Variants in PAK3 observed in about 807,000 individuals in gnomAD.
PAK3 encodes the protein serine/threonine-protein kinase PAK 3.
A neutral mutation model predicts 41.0 loss-of-function variants in PAK3; 4 were observed. The ratio of observed to expected loss-of-function variants is 0.10; its 90% CI spans 0.05 to 0.22. The LOEUF (loss-of-function observed/expected upper bound fraction) is 0.22. PAK3 is among the 10% of genes least tolerant of loss of function. The pLI, the probability that PAK3 is intolerant of heterozygous loss-of-function variation, is 1.00. For missense variants in PAK3, 205 were observed against 409.9 expected, an observed-to-expected ratio of 0.50 and a Z score of 4.32; for synonymous variants, 146 against 139.6, an observed-to-expected ratio of 1.05 and a Z score of -0.32.
intron 5 of PAK3, among the ~76,000 whole-genome samples, chrX:111,124,736 C>T (rs1449799057): frequency 9.0e-6 from 1 of 111,337 alleles, no homozygotes; most frequent in Admixed American, 9.5e-5. Context: ...GAAAATTGTG[C>T]CCAAACCCTC....
chrX:111,118,453 G>GAT lies in PAK3; in HGVS notation c.-27-4611_-27-4610dup, dbSNP rs1023540827. On this transcript the variant is annotated intron_variant, in intron 4 of 17. Coordinates refer to ENST00000372007, the MANE Select transcript of PAK3 (RefSeq NM_002578.5). ...TGCCCACCACCAAAAGTACAATTCA[G>GAT]ATATATATATATATGTATATATATC... is the stretch of plus-strand genomic sequence containing the variant. 3.8e-3 allele frequency among the ~76,000 whole-genome samples: 418 copies of GAT among 109,171 alleles called. 2 individuals carry two copies. Among genetic ancestry groups the GAT allele is most frequent in the African/African-American group, 0.011 (340 of 30,029 alleles). The allele number at this position is 109,171 out of a possible 115,157, so 94.8% of individuals were successfully genotyped here.
Position 111,221,335 on chromosome X carries a change from T to C in PAK3, c.*888T>C, listed in dbSNP as rs1038120606. The C allele has an allele frequency of 8.9e-6, 1 of 112,128 alleles. No individual in the cohort carries two copies. Among genetic ancestry groups the C allele is most frequent in the African/African-American group, 3.2e-5 (1 of 30,812 alleles). 9.2% of individuals were successfully genotyped at this position (112,128 alleles called of 1,213,427 possible). A position where few individuals can be genotyped will look rare whatever the true frequency, so the allele number is the denominator to read the frequency against. On this transcript the variant is annotated 3_prime_UTR_variant, in exon 18 of 18. Coordinates refer to ENST00000372007, the MANE Select transcript of PAK3 (RefSeq NM_002578.5). ...CACTGAAACTGAAACTGTGACATCC[T>C]GCTAGGTGAGTTCAGGTTCTGAACC...
chrX:110,962,491 C>A (rs1489474187), intron 1 of PAK3, among the ~76,000 whole-genome samples: 2 of 112,725 alleles, frequency 1.8e-5, no homozygotes, highest in African/African-American at 6.5e-5. Flanking sequence ...AGCTGTCTTG[C>A]AAAGTTGAAT....
At chrX:110,966,436 G>A (rs2091083289) in intron 1 of PAK3, among the ~76,000 whole-genome samples, 1 of 110,728 alleles carries the variant, frequency 9.0e-6, no homozygotes, top group Non-Finnish European at 1.9e-5. Flanking sequence ...ACTCAAAAAA[G>A]GAGGGAGGGA....
intron 1 of PAK3, among the ~76,000 whole-genome samples, chrX:111,072,688 A>AT (rs1262692995): frequency 8.9e-6 from 1 of 112,354 alleles, no homozygotes; most frequent in Non-Finnish European, 1.9e-5. Context: ...CTTTATGCAG[A>AT]GGAGGGCTGT....
At chrX:111,024,265 G>C (rs1179645456) in intron 1 of PAK3, among the ~76,000 whole-genome samples, 2 of 111,429 alleles carry the variant, frequency 1.8e-5, no homozygotes, top group African/African-American at 6.5e-5. Context: ...CTCTGTGTTG[G>C]TACAGGACCA....
intron 1 of PAK3, among the ~76,000 whole-genome samples, chrX:110,996,252 A>T (rs929505737): frequency 2.7e-5 from 3 of 111,765 alleles, no homozygotes; most frequent in African/African-American, 9.8e-5. Flanking sequence ...CACAAACTAT[A>T]ATTATTTTGC....
chrX:111,005,123 C>T (rs2091902782), intron 1 of PAK3, among the ~76,000 whole-genome samples: 1 of 112,008 alleles, frequency 8.9e-6, no homozygotes, highest in Non-Finnish European at 1.9e-5. Flanking sequence ...CTTCCCTTCT[C>T]TTCTAGAAGA....
intron 1 of PAK3, among the ~76,000 whole-genome samples, chrX:110,955,642 T>C (rs998415089): frequency 3.6e-5 from 4 of 111,577 alleles, no homozygotes; most frequent in African/African-American, 1.3e-4. Flanking sequence ...TGTCTCTTGA[T>C]AAAACAGGAA....
chrX:110,947,373 T>G (rs187819353), intron 1 of PAK3, among the ~76,000 whole-genome samples: 188 of 111,869 alleles, frequency 1.7e-3, no homozygotes, highest in African/African-American at 5.6e-3. Context: ...AGGCAGTATC[T>G]CTAAGATACA....
chrX:111,210,928 A>G (rs187768394), intron 16 of PAK3, among the ~76,000 whole-genome samples: 2 of 112,010 alleles, frequency 1.8e-5, no homozygotes, highest in Admixed American at 9.5e-5. Flanking sequence ...AAAACCCAGG[A>G]TAGTCCCCAG....
intron 5 of PAK3, among the ~76,000 whole-genome samples, chrX:111,132,539 C>T (rs987612892): frequency 1.8e-5 from 2 of 110,762 alleles, no homozygotes; most frequent in African/African-American, 3.3e-5. Context: ...AGGAGGGCCT[C>T]GACCCCAGCA....
chrX:111,040,191 A>G (rs1168607210), intron 1 of PAK3, among the ~76,000 whole-genome samples: 1 of 110,271 alleles, frequency 9.1e-6, no homozygotes, highest in Non-Finnish European at 1.9e-5. Flanking sequence ...GGCTTAGCCA[A>G]GTTCCACCGA....
chrX:111,008,945 C>T (rs2091971733), intron 1 of PAK3, among the ~76,000 whole-genome samples: 2 of 111,057 alleles, frequency 1.8e-5, no homozygotes, highest in South Asian at 7.8e-4. Context: ...CCATGAAAGG[C>T]TCTTTGAACC....
At chrX:111,104,246 C>T (rs1468617384) in intron 4 of PAK3, among the ~76,000 whole-genome samples, 1 of 111,302 alleles carries the variant, frequency 9.0e-6, no homozygotes, top group Non-Finnish European at 1.9e-5. Context: ...CTTGCTGTCC[C>T]TCTGTCTGGT....
intron 5 of PAK3, among the ~76,000 whole-genome samples, chrX:111,131,565 A>G (rs781312975): frequency 9.0e-6 from 1 of 111,082 alleles, no homozygotes; most frequent in East Asian, 2.8e-4. Context: ...AAAAAAAAAA[A>G]TAAATTTGTA....
chrX:110,957,764 C>T, intron 1 of PAK3, among the ~76,000 whole-genome samples: 1 of 111,790 alleles, frequency 8.9e-6, no homozygotes, highest in Non-Finnish European at 1.9e-5. Flanking sequence ...GACCATGTCA[C>T]TTCTTTCTTT....
intron 16 of PAK3, among the ~76,000 whole-genome samples, chrX:111,215,577 A>G (rs2094870721): frequency 8.9e-6 from 1 of 111,910 alleles, no homozygotes; most frequent in African/African-American, 3.2e-5. Flanking sequence ...ACCTTTGTGA[A>G]TTAATCGTAG....
chrX:110,962,363 G>C (rs1280383484), intron 1 of PAK3, among the ~76,000 whole-genome samples: 1 of 111,990 alleles, frequency 8.9e-6, no homozygotes, highest in Non-Finnish European at 1.9e-5. Context: ...TAAAATCTTT[G>C]TTATCTATTT....
Sources: allele counts gnomAD v4.1 joint callset (sites outside exome capture counted in the v4.1 genomes callset), GRCh38; gene constraint gnomAD v4.1.1; transcripts MANE v1.5; gene names NCBI Gene and HGNC (gene_info 2026-07-23, HGNC 2026-07-21).